FAM193A: variants seen among roughly 807,000 people sequenced by gnomAD.
The protein encoded by FAM193A is protein FAM193A.
FAM193A carries 22 observed loss-of-function variants against 126.5 expected under a neutral mutation model. The observed-to-expected ratio is 0.17, with a 90% confidence interval of 0.12 to 0.25. The LOEUF is 0.25. FAM193A is among the 10% of genes least tolerant of loss of function. The pLI, the probability that FAM193A is intolerant of heterozygous loss-of-function variation, is 1.00. For missense variants in FAM193A, 1,675 were observed against 1,672.8 expected (o/e 1.00, Z -0.02); for synonymous variants, 761 against 646.8 (o/e 1.18, Z -2.68).
intron 4 of FAM193A, among the ~76,000 whole-genome samples, chr4:2,630,061 G>A (rs1214612937): frequency 6.7e-6 from 1 of 150,300 alleles, no homozygotes; most frequent in African/African-American, 2.5e-5. Context: ...GAACCCAGGA[G>A]GTGGAGCTTG....
At chr4:2,573,199 A>T (rs186807470) in intron 1 of FAM193A, among the ~76,000 whole-genome samples, 178 of 151,798 alleles carry the variant, frequency 1.2e-3, no homozygotes, top group African/African-American at 4.1e-3. Context: ...GTATCTGGAC[A>T]TGTGTGAATC....
intron 2 of FAM193A, among the ~76,000 whole-genome samples, chr4:2,600,484 G>A (rs1483743395): frequency 2.6e-5 from 4 of 152,160 alleles, no homozygotes; most frequent in Non-Finnish European, 4.4e-5. Flanking sequence ...GGCATCTAGT[G>A]CGTTTTTCTG....
intron 2 of FAM193A, among the ~76,000 whole-genome samples, chr4:2,615,871 C>T (rs961865323): frequency 1.3e-5 from 2 of 150,780 alleles, no homozygotes; most frequent in African/African-American, 2.4e-5. Flanking sequence ...AATGTAGTGG[C>T]GCGATCTCAG....
At chr4:2,693,085 G>A (rs1296714504) in intron 15 of FAM193A, among the ~76,000 whole-genome samples, 1 of 151,612 alleles carries the variant, frequency 6.6e-6, no homozygotes, top group Admixed American at 6.6e-5. Flanking sequence ...GTCTTGCTCC[G>A]TCACCCAGGC....
chr4:2,540,574 G>A (rs1358458235), intron 1 of FAM193A, among the ~76,000 whole-genome samples: 1 of 152,152 alleles, frequency 6.6e-6, no homozygotes, highest in African/African-American at 2.4e-5. Flanking sequence ...CATGAACCCA[G>A]GAGGCTGAGC....
chr4:2,637,793 G>A (rs1019313524), intron 5 of FAM193A, among the ~76,000 whole-genome samples: 2 of 152,200 alleles, frequency 1.3e-5, no homozygotes, highest in African/African-American at 4.8e-5. Context: ...AGGTTCACAG[G>A]GAACTTACTG....
rs146938827 is a variant in FAM193A at position 2,700,424 on chromosome 4, C to T, written c.4252C>T (p.Pro1418Ser). The change falls in exon 19 of 21, where the codon CCC becomes TCC. Residue 1418 changes from proline to serine, a missense_variant. Coordinates refer to ENST00000637812, the MANE Select transcript of FAM193A (RefSeq NM_001366318.2). ...AAAGTCAAACCCAACCCCTATGGAG[C>T]CCACCTCTCCCGGTGAGCATCAGCA... Reference protein sequence around the residue: ...DEKSNPTPMEPTSPGEHQQNS... With the variant: ...DEKSNPTPMESTSPGEHQQNS... 382 of 1,614,056 alleles carry T rather than the reference C, an allele frequency of 2.4e-4. No homozygotes were observed. Among genetic ancestry groups the T allele is most frequent in the Non-Finnish European group, 3.0e-4 (353 of 1,180,042 alleles).
intron 1 of FAM193A, among the ~76,000 whole-genome samples, chr4:2,591,957 C>G (rs1487137267): frequency 2.0e-5 from 3 of 152,066 alleles, no homozygotes; most frequent in African/African-American, 7.2e-5. Flanking sequence ...TCCGTATTCT[C>G]CTATGCAAAA....
rs139214563 is a variant in FAM193A, at chr4:2,700,307, G to A, written c.4135G>A (p.Asp1379Asn). 518 of 1,613,970 alleles carry A rather than the reference G, an allele frequency of 3.2e-4. No individual in the cohort carries two copies. The African/African-American group carries it at 6.1e-3, about 19-fold the overall frequency. Residue 1379 changes from aspartate (D) to asparagine (N), a missense_variant, in exon 19 of 21, where the codon GAC becomes AAC. This residue lies in a region of FAM193A where 415 missense variants were observed against 396.7 expected (regional missense o/e 1.05). Coordinates refer to ENST00000637812, the MANE Select transcript of FAM193A (RefSeq NM_001366318.2). The part of the protein sequence containing the change: ...AQTESKAKVV[D>N]LMSITEQKRE... Reference sequence around the variant, plus strand: ...GACTGAGTCAAAGGCTAAGGTGGTCGACCTCATGTCCATCACAGAGCAGAA... The same window carrying A: ...GACTGAGTCAAAGGCTAAGGTGGTCAACCTCATGTCCATCACAGAGCAGAA...
chr4:2,718,426 T>TAA (rs34035153), intron 20 of FAM193A, among the ~76,000 whole-genome samples: 1 of 148,426 alleles, frequency 6.7e-6, no homozygotes, highest in Non-Finnish European at 1.5e-5. Flanking sequence ...TGTCAGTAAT[T>TAA]AAAAAAAAAA....
At chr4:2,626,008 G>A (rs904244245) in intron 3 of FAM193A, among the ~76,000 whole-genome samples, 2 of 152,242 alleles carry the variant, frequency 1.3e-5, no homozygotes, top group East Asian at 1.9e-4. Flanking sequence ...ACAGGCATGA[G>A]CCACCATGCC....
At chr4:2,593,540 A>T (rs1380387205) in intron 1 of FAM193A, among the ~76,000 whole-genome samples, 1 of 152,064 alleles carries the variant, frequency 6.6e-6, no homozygotes, top group Non-Finnish European at 1.5e-5. Flanking sequence ...TATTTGTCTT[A>T]TTTATTGCCT....
chr4:2,699,441 C>CCA lies in FAM193A; in HGVS notation c.3508-238_3508-237insAC, dbSNP rs1297401460. 6.0e-5 allele frequency among the ~76,000 whole-genome samples: 5 copies of CCA among 83,822 alleles called. 1 individual carries two copies. The highest frequency in any genetic ancestry group is 8.3e-5 in the African/African-American group (2 of 23,994). The allele number at this position is 83,822 out of a possible 152,430, so 55.0% of individuals were successfully genotyped here. On this transcript the variant is annotated intron_variant, in intron 18 of 20. Transcript: ENST00000637812. ...GGAATTTTTTGTTAACTACCACCCC[C>CCA]CCCCCCACACACACACACACAAATA...
chr4:2,670,950 C>A (rs1160783645), intron 12 of FAM193A, among the ~76,000 whole-genome samples: 1 of 152,166 alleles, frequency 6.6e-6, no homozygotes, highest in Non-Finnish European at 1.5e-5. Flanking sequence ...CATTATGTGG[C>A]TGTGGGTGTC....
Position 2,728,896 on chromosome 4 carries a change from C to CTTTTTTTTTT in FAM193A, c.4455-2862_4455-2853dup, listed in dbSNP as rs34029424. Among the ~76,000 whole-genome samples, 62 of 97,142 alleles carry CTTTTTTTTTT rather than the reference C, an allele frequency of 6.4e-4. 7 individuals are homozygous for CTTTTTTTTTT. Among genetic ancestry groups the CTTTTTTTTTT allele is most frequent in the Middle Eastern group, 5.8e-3 (1 of 172 alleles). The allele number at this position is 97,142 out of a possible 152,430, so 63.7% of individuals were successfully genotyped here. ...AAGCAAATATGTTCCACCTCCAAAA[C>CTTTTTTTTTT]TTTTTTTTTTTTTTTTTTTTTTTTT... On this transcript the variant is annotated intron_variant, in intron 20 of 20. Transcript: ENST00000637812.
Position 2,695,124 on chromosome 4 carries a change from G to A in FAM193A, c.3271G>A (p.Gly1091Ser), listed in dbSNP as rs776405982. The A allele has an allele frequency of 5.0e-6, 8 of 1,596,502 alleles. No individual in the cohort carries two copies. Among genetic ancestry groups the A allele is most frequent in the Non-Finnish European group, 6.8e-6 (8 of 1,170,650 alleles). Residue 1091 changes from glycine to serine, a missense_variant, in exon 17 of 21, where the codon GGC becomes AGC. Physicochemically the swap from Gly to Ser is moderately conservative, Grantham distance 56 (BLOSUM62 0). Coordinates refer to ENST00000637812, the MANE Select transcript of FAM193A (RefSeq NM_001366318.2). ...CTGCTACTGCGAATTCTTTGGGCAC[G>A]GCGGGGTGAGTGCATGAGGTCAGCG... ...DCCYCEFFGH[G>S]GPPAAPTSRN...
At chr4:2,657,957 A>G in intron 8 of FAM193A, 77 bp downstream of exon 8, 1 of 1,016,226 alleles carries the variant, frequency 9.8e-7, no homozygotes, top group Non-Finnish European at 1.5e-6. Flanking sequence ...CTGCATGTTG[A>G]TGTGCTTTGT....
chr4:2,536,617 C>T (rs1578544498), upstream of FAM193A: 1 of 131,140 alleles, frequency 7.6e-6, no homozygotes, highest in Non-Finnish European at 1.6e-5. Context: ...CTCCCCGCTG[C>T]TCCTTCCCCC....
chr4:2,598,527 T>A (rs1741001333), intron 2 of FAM193A, among the ~76,000 whole-genome samples: 1 of 152,270 alleles, frequency 6.6e-6, no homozygotes, highest in South Asian at 2.1e-4. Flanking sequence ...GTAGGCCTCT[T>A]GTCTTACAGT....
Sources: allele counts gnomAD v4.1 joint callset (sites outside exome capture counted in the v4.1 genomes callset), GRCh38; gene constraint gnomAD v4.1.1; regional missense constraint gnomAD v4.1.1; transcripts MANE v1.5; gene names NCBI Gene and HGNC (gene_info 2026-07-23, HGNC 2026-07-21).